MTAP: variants seen among roughly 807,000 people sequenced by gnomAD.
MTAP encodes the protein S-methyl-5'-thioadenosine phosphorylase.
A neutral mutation model predicts 33.6 loss-of-function variants in MTAP; 33 were observed. The ratio of observed to expected loss-of-function variants is 0.98; its 90% confidence interval spans 0.74 to 1.31. MTAP has a LOEUF of 1.31. Ranked by LOEUF, MTAP falls within the 40% of genes most tolerant of loss-of-function variation. The pLI, the probability that MTAP is intolerant of heterozygous loss-of-function variation, is 0.00. For synonymous variants in MTAP, 148 were observed against 125.7 expected, an observed-to-expected ratio of 1.18 and a Z score of -1.19; for missense variants, 367 against 360.0, an observed-to-expected ratio of 1.02 and a Z score of -0.16.
chr9:21,850,148 C>T lies in MTAP; in HGVS notation c.451-4483C>T, dbSNP rs151323841. ...TCCAGTGAGCAAGAAGTGGCAAACACACCAGACTTATTGGTGAGGCATTTG... is the reference window on the plus strand; with the variant it reads ...TCCAGTGAGCAAGAAGTGGCAAACATACCAGACTTATTGGTGAGGCATTTG... On this transcript the variant is annotated intron_variant, in intron 5 of 7. Coordinates refer to ENST00000644715, the MANE Select transcript of MTAP (RefSeq NM_002451.4). Among the ~76,000 whole-genome samples, 14 of 152,342 alleles carry T rather than the reference C, an allele frequency of 9.2e-5. No individual in the cohort carries two copies. In the East Asian group the frequency reaches 2.5e-3, roughly 27 times the overall value.
chr9:21,931,213 C>G (rs1320287219), downstream of MTAP: 1 of 710,580 alleles, frequency 1.4e-6, no homozygotes, highest in East Asian at 2.6e-5. Flanking sequence ...GAGGCCAAGA[C>G]CCACAGAACA....
At chr9:21,808,619 C>G (rs1824268668) in intron 1 of MTAP, among the ~76,000 whole-genome samples, 1 of 150,688 alleles carries the variant, frequency 6.6e-6, no homozygotes, top group South Asian at 2.1e-4. Flanking sequence ...CACACACACA[C>G]ACACAAACGT....
At chr9:21,925,291 A>G (rs954821064) in intron 1 of MTAP, among the ~76,000 whole-genome samples, 1 of 152,230 alleles carries the variant, frequency 6.6e-6, no homozygotes, top group African/African-American at 2.4e-5. Context: ...ACCCAGAGAC[A>G]TCACAAGGGC....
chr9:21,904,855 T>G (rs1376899996), intron 1 of MTAP, among the ~76,000 whole-genome samples: 1 of 152,176 alleles, frequency 6.6e-6, no homozygotes, highest in East Asian at 1.9e-4. Context: ...TATCATTAAG[T>G]TTTTACCTAC....
chr9:21,852,431 A>G (rs916247274), intron 5 of MTAP, among the ~76,000 whole-genome samples: 1 of 148,658 alleles, frequency 6.7e-6, no homozygotes, highest in African/African-American at 2.5e-5. Flanking sequence ...AACTGCTTGA[A>G]CCCGTGAGGC....
At chr9:21,857,479 T>C (rs1825667517) in intron 6 of MTAP, among the ~76,000 whole-genome samples, 1 of 152,198 alleles carries the variant, frequency 6.6e-6, no homozygotes, top group Non-Finnish European at 1.5e-5. Flanking sequence ...ATGTAATCCT[T>C]GTGTCCCTGA....
At chr9:21,843,946 G>T (rs1168976655) in intron 5 of MTAP, among the ~76,000 whole-genome samples, 1 of 151,948 alleles carries the variant, frequency 6.6e-6, no homozygotes, top group East Asian at 1.9e-4. Flanking sequence ...AAAGATAAAT[G>T]AAACAAAAAT....
At chr9:21,831,074 G>A (rs1824954676) in intron 4 of MTAP, among the ~76,000 whole-genome samples, 1 of 152,058 alleles carries the variant, frequency 6.6e-6, no homozygotes, top group South Asian at 2.1e-4. Flanking sequence ...CCATTTTCTA[G>A]CCCAGTTCTT....
At chr9:21,829,928 T>C (rs1306777707) in intron 4 of MTAP, among the ~76,000 whole-genome samples, 4 of 152,200 alleles carry the variant, frequency 2.6e-5, no homozygotes, top group Admixed American at 2.0e-4. Context: ...TGAAAATCTT[T>C]TTTTTTCTTC....
At chr9:21,918,173 AC>A in intron 1 of MTAP, among the ~76,000 whole-genome samples, 1 of 144,094 alleles carries the variant, frequency 6.9e-6, no homozygotes, top group Non-Finnish European at 1.5e-5. Flanking sequence ...AAACGGTGAA[AC>A]CCCGTCTCTA....
chr9:21,816,885 G>C (rs1824489128), intron 3 of MTAP, 113 bp downstream of exon 3: 15 of 818,386 alleles, frequency 1.8e-5, no homozygotes, highest in Non-Finnish European at 2.5e-5. Context: ...GGCAGAATCA[G>C]AACATCTTAG....
At chr9:21,809,463 C>T (rs1220308763) in intron 1 of MTAP, among the ~76,000 whole-genome samples, 4 of 151,662 alleles carry the variant, frequency 2.6e-5, no homozygotes, top group Admixed American at 6.6e-5. Context: ...CATGGTGAAA[C>T]CCCGTCTCTA....
At chr9:21,874,709 TAATTA>T (rs1329142353) in intron 1 of MTAP, among the ~76,000 whole-genome samples, 4 of 144,414 alleles carry the variant, frequency 2.8e-5, no homozygotes, top group Non-Finnish European at 6.0e-5. Flanking sequence ...TTTTTTTTTT[TAATTA>T]TACTTTAAGT....
chr9:21,865,781 G>T lies in MTAP; in HGVS notation c.*3767G>T, dbSNP rs1439940952. On this transcript the variant is annotated 3_prime_UTR_variant, in exon 8 of 8. Coordinates refer to ENST00000644715, the MANE Select transcript of MTAP (RefSeq NM_002451.4). The stretch of plus-strand genomic sequence containing the variant: ...GGAATTTCTTCAGAAAGACAATCTC[G>T]GCATGCATTATTTCTTTGTTTTGAA... 10 of 1,032,382 alleles carry T rather than the reference G, an allele frequency of 9.7e-6. No individual in the cohort carries two copies. Among genetic ancestry groups the T allele is most frequent in the African/African-American group, 1.7e-5 (1 of 58,758 alleles). The allele number at this position is 1,032,382 out of a possible 1,614,324, so 64.0% of individuals were successfully genotyped here.
chr9:21,835,699 T>G (rs1456731758), intron 4 of MTAP, among the ~76,000 whole-genome samples: 1 of 152,160 alleles, frequency 6.6e-6, no homozygotes, highest in Non-Finnish European at 1.5e-5. Context: ...ATTCTGGAAT[T>G]TCTTTTGAGG....
At chr9:21,859,518 T>C in intron 7 of MTAP, 93 bp downstream of exon 7, 1 of 1,403,724 alleles carries the variant, frequency 7.1e-7, no homozygotes, top group Non-Finnish European at 9.5e-7. Flanking sequence ...TCATGTATTT[T>C]ATGCCAGCCT....
At chr9:21,861,950 A>T in intron 7 of MTAP, 26 bp from the exon 8 acceptor site, 1 of 1,315,030 alleles carries the variant, frequency 7.6e-7, no homozygotes, top group Non-Finnish European at 1.1e-6. Context: ...ACATGTGAAT[A>T]TCACTGCCTC....
chr9:21,907,171 T>A lies in MTAP; in HGVS notation c.148-23837T>A, dbSNP rs144135463. On this transcript the variant is annotated intron_variant, in intron 1 of 1. Transcript: ENST00000577563. ...TATTTAGACTATGTGAACCCGGTGGTGGTCAGTAGTGTTTAACTTATATTA... is the reference window on the plus strand; with the variant it reads ...TATTTAGACTATGTGAACCCGGTGGAGGTCAGTAGTGTTTAACTTATATTA... Among the ~76,000 whole-genome samples, 342 of 152,316 alleles carry A rather than the reference T, an allele frequency of 2.2e-3. 3 individuals are homozygous for A. Among genetic ancestry groups the A allele is most frequent in the African/African-American group, 8.0e-3 (332 of 41,554 alleles).
intron 1 of MTAP, among the ~76,000 whole-genome samples, chr9:21,929,142 C>T (rs1243992663): frequency 6.6e-6 from 1 of 152,020 alleles, no homozygotes; most frequent in Non-Finnish European, 1.5e-5. Flanking sequence ...CAGAGATAGC[C>T]AGCTGGATAC....
Sources: allele counts gnomAD v4.1 joint callset (sites outside exome capture counted in the v4.1 genomes callset), GRCh38; gene constraint gnomAD v4.1.1; transcripts MANE v1.5; gene names NCBI Gene and HGNC (gene_info 2026-07-23, HGNC 2026-07-21).